The following BCAS3 variants were observed in gnomAD, a reference collection of about 807,000 sequenced individuals.
BCAS3 encodes the protein BCAS3 microtubule associated cell migration factor.
Under a neutral mutation model 116.1 loss-of-function variants are expected in BCAS3, and 53 were observed. That is an observed-to-expected ratio of 0.46 (90% CI 0.37 to 0.57). The LOEUF is 0.57. Among genes scored for constraint, BCAS3 ranks in the 20% least tolerant of loss-of-function variants. BCAS3 has a pLI of 0.00. For missense variants in BCAS3, 917 were observed against 1,165.4 expected, an observed-to-expected ratio of 0.79 and a Z score of 3.10; for synonymous variants, 391 against 408.2, an observed-to-expected ratio of 0.96 and a Z score of 0.51.
intron 1 of BCAS3, among the ~76,000 whole-genome samples, chr17:60,678,239 G>A (rs2032315987): frequency 6.6e-6 from 1 of 152,208 alleles, no homozygotes; most frequent in African/African-American, 2.4e-5. Context: ...GGATGAGAAT[G>A]AGAGGGCTGA....
At chr17:60,841,505 G>A (rs1393775169) in intron 7 of BCAS3, among the ~76,000 whole-genome samples, 4 of 148,436 alleles carry the variant, frequency 2.7e-5, no homozygotes, top group Admixed American at 6.7e-5. Flanking sequence ...TCAGCCTCCC[G>A]AGTAGCTGGG....
intron 22 of BCAS3, among the ~76,000 whole-genome samples, chr17:61,351,860 C>T (rs2057870151): frequency 1.3e-5 from 2 of 152,198 alleles, no homozygotes; most frequent in East Asian, 3.9e-4. Context: ...CATCCTCCAC[C>T]ACTCGTTTCA....
intron 5 of BCAS3, among the ~76,000 whole-genome samples, chr17:60,727,718 T>C: frequency 6.6e-6 from 1 of 152,000 alleles, no homozygotes. Context: ...AGTGGTAAAA[T>C]TGTTACAATC....
At chr17:60,927,919 G>A (rs978583493) in intron 13 of BCAS3, among the ~76,000 whole-genome samples, 2 of 151,776 alleles carry the variant, frequency 1.3e-5, no homozygotes, top group East Asian at 3.9e-4. Context: ...AAAATCTTAA[G>A]TATTATATTT....
In BCAS3 at chr17:60,753,528, A is replaced by ACC. The variant is rs1278237215; in HGVS notation, c.403+6250_403+6251dup. Reference sequence around the variant, plus strand: ...GGGTTCCCGCCATTCTCCTGCCTCAACCTCCCGAGTAGCTGGGACTACAGG... The same window carrying ACC: ...GGGTTCCCGCCATTCTCCTGCCTCAACCCCTCCCGAGTAGCTGGGACTACAGG... On this transcript the variant is annotated intron_variant, in intron 6 of 23. Coordinates refer to ENST00000407086, the MANE Select transcript of BCAS3 (RefSeq NM_017679.5). Among the ~76,000 whole-genome samples, 191 of 151,354 alleles carry ACC rather than the reference A, an allele frequency of 1.3e-3. 2 individuals carry two copies. Among genetic ancestry groups the ACC allele is most frequent in the Non-Finnish European group, 3.4e-4 (23 of 67,786 alleles).
chr17:60,965,735 T>C (rs1264962805), intron 14 of BCAS3, among the ~76,000 whole-genome samples: 1 of 152,220 alleles, frequency 6.6e-6, no homozygotes, highest in Non-Finnish European at 1.5e-5. Context: ...TTTTAAAAGT[T>C]TTGTTCAGAT....
intron 19 of BCAS3, among the ~76,000 whole-genome samples, chr17:61,059,570 C>G (rs950859738): frequency 6.6e-5 from 10 of 152,148 alleles, no homozygotes; most frequent in African/African-American, 2.2e-4. Flanking sequence ...GTCTTTCTTG[C>G]TTCTCATGAT....
intron 6 of BCAS3, among the ~76,000 whole-genome samples, chr17:60,773,287 CTTT>C (rs1210680882): frequency 5.4e-5 from 5 of 91,994 alleles, no homozygotes; most frequent in Non-Finnish European, 8.4e-5. Context: ...TCTTCAGGTC[CTTT>C]TTTTTTTTTT....
intron 7 of BCAS3, among the ~76,000 whole-genome samples, chr17:60,868,238 G>A (rs2054798788): frequency 6.6e-6 from 1 of 151,966 alleles, no homozygotes; most frequent in Non-Finnish European, 1.5e-5. Flanking sequence ...TGTTGGCCAG[G>A]CTGGTCTCAA....
rs1285663580 is a variant in BCAS3 at position 61,339,752 on chromosome 17, C to T, written c.2426-28575C>T. Among the ~76,000 whole-genome samples the T allele has an allele frequency of 2.7e-5, 4 of 145,618 alleles. No individual in the cohort carries two copies. The highest frequency in any genetic ancestry group is 7.0e-5 in the Admixed American group (1 of 14,328). ...CTGTACTCCAGTCGGGGCGACAAAG[C>T]GAGACCCCATCTAAAAAAAAAAAAA... On this transcript the variant is annotated intron_variant, in intron 22 of 23. Coordinates refer to ENST00000407086, the MANE Select transcript of BCAS3 (RefSeq NM_017679.5). This position sits in a 1 kb window ranked among gnomAD's most constrained non-coding sequence, Gnocchi z 4.4.
intron 4 of BCAS3, among the ~76,000 whole-genome samples, chr17:60,701,277 G>A (rs967001981): frequency 7.2e-5 from 11 of 152,180 alleles, no homozygotes; most frequent in Admixed American, 7.2e-4. Flanking sequence ...TCGGAGAGGA[G>A]AGCGATGAAA....
intron 6 of BCAS3, among the ~76,000 whole-genome samples, chr17:60,770,834 GTTTTTTTTT>G (rs60854011): frequency 1.2e-4 from 9 of 76,786 alleles, no homozygotes; most frequent in South Asian, 8.6e-4. Flanking sequence ...ACTGAAATTT[GTTTTTTTTT>G]TTTTTTTTTT....
rs1301226607 is a variant in BCAS3, at chr17:61,355,200, T to C, written c.2426-13127T>C. On this transcript the variant is annotated intron_variant, in intron 22 of 23. Transcript: ENST00000407086. The surrounding 1 kb of genome is among the most constrained non-coding windows in gnomAD (Gnocchi z 4.2). Reference sequence around the variant, plus strand: ...GACAAGCCACTCGTGTCTGTGTGTATATTGGGTTTCACATCTGAAATCCAG... The same window carrying C: ...GACAAGCCACTCGTGTCTGTGTGTACATTGGGTTTCACATCTGAAATCCAG... 6.6e-6 allele frequency: 1 copy of C among 152,248 alleles called. No individual in the cohort carries two copies. Among genetic ancestry groups the C allele is most frequent in the Admixed American group, 6.5e-5 (1 of 15,290 alleles). The allele number at this position is 152,248 out of a possible 1,614,324, so 9.4% of individuals were successfully genotyped here.
chr17:61,043,362 TG>T (rs2067702837), intron 19 of BCAS3, among the ~76,000 whole-genome samples: 1 of 152,006 alleles, frequency 6.6e-6, no homozygotes, highest in Admixed American at 6.6e-5. Flanking sequence ...AGTGAAACTC[TG>T]TCTCAAAAAA....
intron 7 of BCAS3, among the ~76,000 whole-genome samples, chr17:60,844,425 T>G (rs73318679): frequency 0.066 from 10,083 of 152,274 alleles, 1,097 homozygotes; most frequent in African/African-American, 0.23. Flanking sequence ...ACTAACCCAT[T>G]TTAGATGAGG....
rs2059604573 is a variant in BCAS3, at chr17:61,381,500, C to T, written c.2594-10477C>T. 6.6e-6 allele frequency among the ~76,000 whole-genome samples: 1 copy of T among 152,178 alleles called. No homozygotes were observed. The highest frequency in any genetic ancestry group is 2.4e-5 in the African/African-American group (1 of 41,448). On this transcript the variant is annotated intron_variant, in intron 23 of 23. Coordinates refer to ENST00000407086, the MANE Select transcript of BCAS3 (RefSeq NM_017679.5). This position sits in a 1 kb window ranked among gnomAD's most constrained non-coding sequence, Gnocchi z 6.0. ...GGGCAACAGAGGCCGTGCCCCAACA[C>T]CATTCCTTTGGCTAGGCTTGGCCTA...
At position 61,035,373 on chromosome 17, in the gene BCAS3, G is replaced by A. The variant is rs541257087; in HGVS notation, c.1762+583G>A. Among the ~76,000 whole-genome samples the A allele has an allele frequency of 3.3e-5, 5 of 151,906 alleles. No individual in the cohort carries two copies. The East Asian group carries it at 5.8e-4, about 18-fold the overall frequency. On this transcript the variant is annotated intron_variant, in intron 17 of 23. Coordinates refer to ENST00000407086, the MANE Select transcript of BCAS3 (RefSeq NM_017679.5). ...GGCAGAGGTGGGCGATCACGAGGTC[G>A]GGAGATCGAGACCATCCTGGCCAAC...
chr17:61,277,676 G>A (rs1237793354), intron 22 of BCAS3, among the ~76,000 whole-genome samples: 1 of 152,066 alleles, frequency 6.6e-6, no homozygotes, highest in East Asian at 1.9e-4. Flanking sequence ...AATTAAAAAT[G>A]GGCAAAGGAT....
chr17:60,910,488 C>A, intron 11 of BCAS3, 44 bp from the exon 12 acceptor site: 4 of 1,443,654 alleles, frequency 2.8e-6, no homozygotes, highest in South Asian at 2.9e-5. Flanking sequence ...ATGTAGAATC[C>A]AAATACTGAT....
Sources: allele counts gnomAD v4.1 joint callset (sites outside exome capture counted in the v4.1 genomes callset), GRCh38; gene constraint gnomAD v4.1.1; non-coding constraint Gnocchi (gnomAD v3.1); transcripts MANE v1.5; gene names NCBI Gene and HGNC (gene_info 2026-07-23, HGNC 2026-07-21).